The following ATP10B variants were observed in gnomAD, a reference collection of about 807,000 sequenced individuals.
ATP10B encodes phospholipid-transporting ATPase VB.
ATP10B carries 122 observed loss-of-function variants against 141.2 expected under a neutral mutation model. That is an observed-to-expected ratio of 0.86 (90% confidence interval 0.75 to 1.00). The LOEUF (loss-of-function observed/expected upper bound fraction) is 1.00, where lower values mean the gene tolerates loss of function less well. Among genes scored for constraint, ATP10B ranks in the 50% least tolerant of loss-of-function variants. ATP10B has a pLI of 0.00. For missense variants in ATP10B, 1,876 were observed against 1,825.3 expected, an observed-to-expected ratio of 1.03 and a Z score of -0.51; for synonymous variants, 685 against 692.0, an observed-to-expected ratio of 0.99 and a Z score of 0.16.
chr5:160,807,011 T>C (rs1772824248), intron 1 of ATP10B, among the ~76,000 whole-genome samples: 1 of 152,064 alleles, frequency 6.6e-6, no homozygotes, highest in African/African-American at 2.4e-5. Flanking sequence ...GAAGAAAAAG[T>C]ACAGAGATGC....
intron 20 of ATP10B, 25 bp downstream of exon 20, chr5:160,603,937 AAAG>A (rs767472366): frequency 2.2e-5 from 35 of 1,591,842 alleles, no homozygotes; most frequent in Non-Finnish European, 2.8e-5. Context: ...AGGACCAAAG[AAAG>A]AAGAATAGTT....
At chr5:160,921,270 CTTTGTTTTT>C in the ATP10B span, among the ~76,000 whole-genome samples, 109 of 147,100 alleles carry the variant, frequency 7.4e-4, no homozygotes, top group African/African-American at 2.6e-3. Flanking sequence ...CTATTCAGCA[CTTTGTTTTT>C]TTTTTTTTTA....
At chr5:160,604,814 A>G (rs1757293496) in intron 19 of ATP10B, among the ~76,000 whole-genome samples, 1 of 152,204 alleles carries the variant, frequency 6.6e-6, no homozygotes. Flanking sequence ...TCCAATATAG[A>G]AACCAGGAGC....
intron 1 of ATP10B, among the ~76,000 whole-genome samples, chr5:160,848,465 T>A (rs1461787832): frequency 1.3e-5 from 2 of 152,244 alleles, no homozygotes; most frequent in African/African-American, 2.4e-5. Context: ...GTAACTAGGT[T>A]CTTTCTAGCA....
intron 1 of ATP10B, among the ~76,000 whole-genome samples, chr5:160,819,053 A>T (rs1773906076): frequency 6.6e-6 from 1 of 152,182 alleles, no homozygotes. Context: ...AATGCTAATG[A>T]CGAGTTAATG....
intron 1 of ATP10B, among the ~76,000 whole-genome samples, chr5:160,836,578 A>T (rs1775448858): frequency 6.6e-6 from 1 of 152,010 alleles, no homozygotes; most frequent in Non-Finnish European, 1.5e-5. Flanking sequence ...CATTCTCTTC[A>T]TTGCTTACTG....
At chr5:160,873,037 C>T in the ATP10B span, among the ~76,000 whole-genome samples, 1 of 151,340 alleles carries the variant, frequency 6.6e-6, no homozygotes, top group African/African-American at 2.4e-5. Flanking sequence ...TTTGTGTCAT[C>T]TATGATTTCT....
At position 160,668,516 on chromosome 5, in the gene ATP10B, T is replaced by A. The variant is rs566283713; in HGVS notation, c.675+1947A>T. 7.2e-5 allele frequency among the ~76,000 whole-genome samples: 11 copies of A among 152,314 alleles called. 1 individual carries two copies. In the South Asian group the frequency reaches 2.3e-3, roughly 32 times the overall value. On this transcript the variant is annotated intron_variant, in intron 7 of 25. Coordinates refer to ENST00000327245, the MANE Select transcript of ATP10B (RefSeq NM_025153.3). ...AATGACTCTGTGAACTTAGACCAGATCTCACCCTGCCTTTTTGCAAACACT... is the reference window on the plus strand; with the variant it reads ...AATGACTCTGTGAACTTAGACCAGAACTCACCCTGCCTTTTTGCAAACACT...
chr5:160,790,530 C>T (rs1197346647), intron 1 of ATP10B, among the ~76,000 whole-genome samples: 2 of 152,120 alleles, frequency 1.3e-5, no homozygotes, highest in African/African-American at 4.8e-5. Flanking sequence ...TATGAGGTAT[C>T]GCTCAAAGAC....
At chr5:160,653,258 T>A (rs1418295470) in intron 7 of ATP10B, among the ~76,000 whole-genome samples, 1 of 132,274 alleles carries the variant, frequency 7.6e-6, no homozygotes, top group East Asian at 2.1e-4. Flanking sequence ...ACGTAGTATA[T>A]ATACATACGT....
At chr5:160,627,455 G>T (rs947996085) in intron 13 of ATP10B, among the ~76,000 whole-genome samples, 9 of 152,186 alleles carry the variant, frequency 5.9e-5, no homozygotes, top group African/African-American at 1.7e-4. Flanking sequence ...TAAATGAAAG[G>T]CTCTTCTAAA....
chr5:160,598,216 G>C (rs2127620875), intron 22 of ATP10B, among the ~76,000 whole-genome samples: 1 of 151,994 alleles, frequency 6.6e-6, no homozygotes, highest in Admixed American at 6.6e-5. Flanking sequence ...CATAAAAAAT[G>C]ATGAGTTCAT....
At chr5:160,842,850 G>A (rs796542205) in intron 1 of ATP10B, among the ~76,000 whole-genome samples, 3 of 151,924 alleles carry the variant, frequency 2.0e-5, no homozygotes, top group African/African-American at 7.2e-5. Context: ...ATGTGGCTTG[G>A]CTGGTAATTT....
At chr5:160,890,398 T>G in the ATP10B span, among the ~76,000 whole-genome samples, 10 of 152,142 alleles carry the variant, frequency 6.6e-5, no homozygotes, top group African/African-American at 2.4e-4. Flanking sequence ...AGTTTTAGCA[T>G]TTTTATCCCA....
intron 1 of ATP10B, among the ~76,000 whole-genome samples, chr5:160,795,390 T>C (rs1287668557): frequency 1.3e-5 from 2 of 152,140 alleles, no homozygotes; most frequent in Non-Finnish European, 2.9e-5. Context: ...TACTGTACTC[T>C]CTTGGGTAAG....
intron 22 of ATP10B, among the ~76,000 whole-genome samples, chr5:160,594,112 GA>G (rs1305503107): frequency 6.6e-6 from 1 of 152,132 alleles, no homozygotes; most frequent in African/African-American, 2.4e-5. Context: ...TGAAATGAAG[GA>G]AAAAATGTCA....
At chr5:160,719,058 A>T (rs563194834) in intron 2 of ATP10B, among the ~76,000 whole-genome samples, 36 of 152,318 alleles carry the variant, frequency 2.4e-4, no homozygotes, top group African/African-American at 8.4e-4. Flanking sequence ...GCCAATAAAT[A>T]AAAAAACTGT....
At chr5:160,705,497 T>A (rs143614786) in intron 3 of ATP10B, among the ~76,000 whole-genome samples, 1 of 152,110 alleles carries the variant, frequency 6.6e-6, no homozygotes, top group East Asian at 1.9e-4. Flanking sequence ...ACAAGTGTGA[T>A]TACAATTGGG....
chr5:160,897,863 A>G, the ATP10B span, among the ~76,000 whole-genome samples: 2 of 152,208 alleles, frequency 1.3e-5, no homozygotes, highest in African/African-American at 4.8e-5. Flanking sequence ...ATGGAACAGA[A>G]CAGAGGCCTC....
Sources: gnomAD v4.1 joint callset for allele counts (sites outside exome capture counted in the v4.1 genomes callset) on GRCh38, gnomAD v4.1.1 for gene constraint, MANE v1.5 for transcripts, NCBI Gene and HGNC (gene_info 2026-07-23, HGNC 2026-07-21) for gene names.